The following IGSF11 variants were observed in gnomAD, a reference collection of about 807,000 sequenced individuals.
IGSF11 encodes the protein immunoglobulin superfamily member 11, also known as CXADR like 1.
In IGSF11, 22 loss-of-function variants were observed where a neutral mutation model predicts 41.0. The ratio of observed to expected loss-of-function variants is 0.54; its 90% CI spans 0.38 to 0.77. The LOEUF is 0.77. IGSF11 is among the 30% of genes least tolerant of loss of function. IGSF11 has a pLI of 0.00. For missense variants in IGSF11, 444 were observed against 530.8 expected (o/e 0.84, Z 1.61); for synonymous variants, 219 against 201.3 (o/e 1.09, Z -0.74).
At chr3:119,111,209 C>A (rs1446036138) in intron 1 of IGSF11, among the ~76,000 whole-genome samples, 1 of 152,190 alleles carries the variant, frequency 6.6e-6, no homozygotes, top group Non-Finnish European at 1.5e-5. Context: ...TCCATTCTCC[C>A]CATCACTTTC....
At chr3:119,085,217 G>A (rs1015868829) in intron 1 of IGSF11, among the ~76,000 whole-genome samples, 1 of 152,152 alleles carries the variant, frequency 6.6e-6, no homozygotes, top group African/African-American at 2.4e-5. Context: ...GAGATGCATG[G>A]CTGAGTAACA....
At chr3:118,934,520 T>C (rs1044405755) in intron 1 of IGSF11, among the ~76,000 whole-genome samples, 4 of 152,214 alleles carry the variant, frequency 2.6e-5, no homozygotes, top group African/African-American at 9.6e-5. Flanking sequence ...CTTACCATCA[T>C]GAATTCAATT....
In IGSF11 at chr3:118,928,816, T is replaced by C. The variant is rs919133804; in HGVS notation, c.217-100A>G. On this transcript the variant is annotated intron_variant, in intron 2 of 6. Transcript: ENST00000393775. ...ACAGTACCAAATGCTGCACCAAACA[T>C]TGGAAAATTTTATTTCTAATATGAT... The C allele has an allele frequency of 7.5e-6, 6 of 802,726 alleles. No individual in the cohort carries two copies. In the Admixed American group the frequency reaches 1.2e-4, roughly 16 times the overall value. 49.7% of individuals were successfully genotyped at this position (802,726 alleles called of 1,614,324 possible).
chr3:119,075,105 A>G (rs2076471224), intron 1 of IGSF11, among the ~76,000 whole-genome samples: 2 of 152,120 alleles, frequency 1.3e-5, no homozygotes, highest in Non-Finnish European at 2.9e-5. Flanking sequence ...AATAAAGAGA[A>G]AAGAGAATCC....
upstream of IGSF11, among the ~76,000 whole-genome samples, chr3:119,110,043 G>C (rs1387239578): frequency 6.6e-6 from 1 of 152,006 alleles, no homozygotes. Context: ...GTGTGGTGTG[G>C]TGCTGAAAAA....
chr3:118,963,061 T>C (rs1428804594), intron 1 of IGSF11, among the ~76,000 whole-genome samples: 1 of 152,142 alleles, frequency 6.6e-6, no homozygotes, highest in Non-Finnish European at 1.5e-5. Context: ...CTGCCCACTC[T>C]AGGTGAGCCA....
chr3:119,138,191 C>T (rs1475189926), intron 1 of IGSF11, among the ~76,000 whole-genome samples: 1 of 151,286 alleles, frequency 6.6e-6, no homozygotes, highest in Admixed American at 6.6e-5. Context: ...AATTGAGCTA[C>T]CATATGATCC....
chr3:119,122,962 C>G, intron 1 of IGSF11, among the ~76,000 whole-genome samples: 1 of 152,174 alleles, frequency 6.6e-6, no homozygotes, highest in East Asian at 1.9e-4. Flanking sequence ...TTGAGAAAAG[C>G]AGAGGGAAAA....
chr3:118,925,187 G>C (rs903350205), intron 4 of IGSF11, among the ~76,000 whole-genome samples: 1 of 152,088 alleles, frequency 6.6e-6, no homozygotes, highest in African/African-American at 2.4e-5. Context: ...AAATTTATAG[G>C]CTCTTAAGAG....
Position 119,034,838 on chromosome 3 carries a change from C to T in IGSF11, c.-256G>A. On this transcript the variant is annotated 5_prime_UTR_variant, in exon 1 of 7. Transcript: ENST00000393775. Reference sequence around the variant, plus strand: ...CGCCAGCCGTGCCACCCAGCCCTGCCCCAGGACTAGCCGACCCCTCGCGCA... The same window carrying T: ...CGCCAGCCGTGCCACCCAGCCCTGCTCCAGGACTAGCCGACCCCTCGCGCA... The T allele has an allele frequency of 8.1e-7, 1 of 1,234,610 alleles. No homozygotes were observed. The highest frequency in any genetic ancestry group is 3.6e-5 in the South Asian group (1 of 27,636). 76.5% of individuals were successfully genotyped at this position (1,234,610 alleles called of 1,614,324 possible).
intron 1 of IGSF11, among the ~76,000 whole-genome samples, chr3:119,029,700 G>A (rs946314039): frequency 2.0e-5 from 3 of 152,208 alleles, no homozygotes; most frequent in Non-Finnish European, 2.9e-5. Context: ...GCAAAAGTGA[G>A]TATAGGGGTT....
chr3:118,904,910 T>C, intron 5 of IGSF11, 112 bp from the exon 6 acceptor site: 1 of 821,186 alleles, frequency 1.2e-6, no homozygotes, highest in Non-Finnish European at 1.8e-6. Context: ...TTAAAACGTA[T>C]AAAACTCTCT....
At chr3:119,043,126 A>G (rs1374690640) in intron 1 of IGSF11, among the ~76,000 whole-genome samples, 1 of 152,218 alleles carries the variant, frequency 6.6e-6, no homozygotes, top group East Asian at 1.9e-4. Context: ...CCGGGCACTT[A>G]GCTATGCAGG....
intron 1 of IGSF11, among the ~76,000 whole-genome samples, chr3:118,981,205 C>T (rs1934677727): frequency 6.6e-6 from 1 of 152,094 alleles, no homozygotes; most frequent in South Asian, 2.1e-4. Flanking sequence ...GGTTCTCACT[C>T]GTCACCCAGG....
intron 1 of IGSF11, among the ~76,000 whole-genome samples, chr3:119,140,086 T>C (rs2077621045): frequency 6.6e-6 from 1 of 151,858 alleles, no homozygotes. Flanking sequence ...AAAGAAAGAC[T>C]TGAGGAACAA....
At chr3:119,034,988 G>A (rs376005605), upstream of IGSF11, 3 of 293,982 alleles carry the variant, frequency 1.0e-5, no homozygotes, top group Non-Finnish European at 1.5e-5. Context: ...GACGCCTGGC[G>A]GCCCACCCGC....
chr3:118,988,883 C>T (rs1935512498), intron 1 of IGSF11, among the ~76,000 whole-genome samples: 1 of 152,174 alleles, frequency 6.6e-6, no homozygotes, highest in Non-Finnish European at 1.5e-5. Flanking sequence ...AAGCACGTTA[C>T]AACATTAATA....
intron 1 of IGSF11, among the ~76,000 whole-genome samples, chr3:118,992,093 C>A (rs1328235872): frequency 6.6e-6 from 1 of 152,160 alleles, no homozygotes; most frequent in Non-Finnish European, 1.5e-5. Flanking sequence ...CTGTTATATT[C>A]AAATGGAAAT....
In IGSF11 at chr3:118,972,546, T is replaced by C. The variant is rs114565932; in HGVS notation, c.53-42271A>G. On this transcript the variant is annotated intron_variant, in intron 1 of 6. Coordinates refer to ENST00000393775, the MANE Select transcript of IGSF11 (RefSeq NM_001015887.3). ...TAGTTGCTGAATGGATGATTTTGCATAGTCTATGCAAATTCTGACATCCTA... is the reference window on the plus strand; with the variant it reads ...TAGTTGCTGAATGGATGATTTTGCACAGTCTATGCAAATTCTGACATCCTA... Among the ~76,000 whole-genome samples, 334 of 152,298 alleles carry C rather than the reference T, an allele frequency of 2.2e-3. 1 individual carries two copies. In the Middle Eastern group the frequency reaches 0.027, roughly 12 times the overall value.
Sources: gnomAD v4.1 joint callset for allele counts (sites outside exome capture counted in the v4.1 genomes callset) on GRCh38, gnomAD v4.1.1 for gene constraint, MANE v1.5 for transcripts, NCBI Gene and HGNC (gene_info 2026-07-23, HGNC 2026-07-21) for gene names.